CACNA1D: variants seen among roughly 807,000 people sequenced by gnomAD.
The protein encoded by CACNA1D is voltage-dependent L-type calcium channel subunit alpha-1D.
Under a neutral mutation model 257.1 loss-of-function variants are expected in CACNA1D, and 55 were observed. The observed-to-expected ratio is 0.21, with a 90% confidence interval of 0.17 to 0.27. CACNA1D has a LOEUF of 0.27. Ranked by LOEUF, CACNA1D falls within the 10% of genes least tolerant of loss-of-function variation. The probability of loss-of-function intolerance (pLI) is 1.00; values close to 1 mark genes in which losing one functional copy is unlikely to be tolerated. For synonymous variants in CACNA1D, 980 were observed against 1,014.9 expected (o/e 0.97, Z 0.65); for missense variants, 1,876 against 2,784.0 (o/e 0.67, Z 7.34).
chr3:53,681,014 G>A (rs945078883), intron 8 of CACNA1D, among the ~76,000 whole-genome samples: 17 of 152,138 alleles, frequency 1.1e-4, no homozygotes, highest in African/African-American at 4.1e-4. Flanking sequence ...ATGCACCCAA[G>A]CCCTAGCCCT....
At chr3:53,790,788 T>C (rs2106637573) in intron 40 of CACNA1D, among the ~76,000 whole-genome samples, 1 of 152,360 alleles carries the variant, frequency 6.6e-6, no homozygotes, top group Non-Finnish European at 1.5e-5. Flanking sequence ...AGATTTAATC[T>C]GTAGAAGATC....
intron 3 of CACNA1D, among the ~76,000 whole-genome samples, chr3:53,505,678 C>T (rs562954925): frequency 7.2e-5 from 11 of 152,224 alleles, no homozygotes; most frequent in African/African-American, 1.9e-4. Flanking sequence ...GGAAGGTGTA[C>T]GTGTTATTCC....
Position 53,758,968 on chromosome 3 carries a change from C to T in CACNA1D, c.3787-3030C>T, listed in dbSNP as rs549506127. ...GGTGATTTTATTAAACAAGAGGCTA[C>T]TAAATAGGGAAACAGTATGTGGGAA... On this transcript the variant is annotated intron_variant, in intron 29 of 47. Coordinates refer to ENST00000350061, the MANE Select transcript of CACNA1D (RefSeq NM_001128840.3). 3.2e-3 allele frequency among the ~76,000 whole-genome samples: 489 copies of T among 152,238 alleles called. 3 individuals carry two copies. Among genetic ancestry groups the T allele is most frequent in the African/African-American group, 0.011 (470 of 41,522 alleles).
chr3:53,530,986 T>C (rs1367723633), intron 3 of CACNA1D, among the ~76,000 whole-genome samples: 1 of 151,546 alleles, frequency 6.6e-6, no homozygotes, highest in Non-Finnish European at 1.5e-5. Context: ...TAGCTGGGAC[T>C]ATAAGAGTCC....
At chr3:53,515,510 G>A (rs940297808) in intron 3 of CACNA1D, among the ~76,000 whole-genome samples, 1 of 152,314 alleles carries the variant, frequency 6.6e-6, no homozygotes, top group South Asian at 2.1e-4. Flanking sequence ...ACACCAGGCA[G>A]CCAAGGTGTG....
intron 8 of CACNA1D, chr3:53,679,254 G>A (rs1485477127): frequency 2.8e-5 from 1 of 36,248 alleles, no homozygotes; most frequent in Non-Finnish European, 6.1e-5. Context: ...TGGGTGACAA[G>A]AGCAAAACTC....
At chr3:53,530,605 G>A (rs2091914961) in intron 3 of CACNA1D, among the ~76,000 whole-genome samples, 2 of 152,190 alleles carry the variant, frequency 1.3e-5, no homozygotes, top group Non-Finnish European at 2.9e-5. Context: ...ACATCTGCTT[G>A]ACAGGCTTCC....
chr3:53,543,633 A>G (rs1175636736), intron 3 of CACNA1D, among the ~76,000 whole-genome samples: 1 of 152,218 alleles, frequency 6.6e-6, no homozygotes. Flanking sequence ...TCTAAATTTT[A>G]AAGTTGTTGT....
intron 5 of CACNA1D, among the ~76,000 whole-genome samples, chr3:53,663,281 C>T (rs2094223614): frequency 1.3e-5 from 2 of 152,172 alleles, no homozygotes; most frequent in Non-Finnish European, 2.9e-5. Context: ...TGCATTCTTT[C>T]TTTCCTGACT....
chr3:53,616,746 G>A (rs2093641518), intron 3 of CACNA1D, among the ~76,000 whole-genome samples: 1 of 152,136 alleles, frequency 6.6e-6, no homozygotes, highest in African/African-American at 2.4e-5. Flanking sequence ...AGGAAATGAG[G>A]CAGGAGCCTG....
chr3:53,666,376 C>T lies in CACNA1D; in HGVS notation c.957C>T (p.Phe319=), dbSNP rs1203870844. The T allele has an allele frequency of 6.2e-7, 1 of 1,614,176 alleles. No individual in the cohort carries two copies. Among genetic ancestry groups the T allele is most frequent in the Non-Finnish European group, 8.5e-7 (1 of 1,180,026 alleles). ...VAEEDPAPCA[F]SGNGRQCTAN... is the part of the protein sequence containing the mutation. ...AAGAGGACCCAGCTCCATGTGCGTT[C>T]TCAGGGAATGGACGCCAGTGTACTG... is the stretch of plus-strand genomic sequence containing the variant. The change falls in exon 7 of 48, where the codon TTC becomes TTT. Residue 319 remains phenylalanine (F), a synonymous_variant. Coordinates refer to ENST00000350061, the MANE Select transcript of CACNA1D (RefSeq NM_001128840.3).
At position 53,500,738 on chromosome 3, in the gene CACNA1D, T is replaced by C. The variant is rs1162963986; in HGVS notation, c.378-877T>C. On this transcript the variant is annotated intron_variant, in intron 2 of 47. Coordinates refer to ENST00000350061, the MANE Select transcript of CACNA1D (RefSeq NM_001128840.3). ...ACAATCATTTTGGCAGATGTCAAAT[T>C]TTGTGTTGCCAGTTTTGACAATGTC... Among the ~76,000 whole-genome samples, 3 of 152,194 alleles carry C rather than the reference T, an allele frequency of 2.0e-5. No homozygotes were observed. In the South Asian group the frequency reaches 6.2e-4, roughly 32 times the overall value.
intron 3 of CACNA1D, among the ~76,000 whole-genome samples, chr3:53,607,663 T>G (rs1004999748): frequency 1.3e-5 from 2 of 152,272 alleles, no homozygotes; most frequent in African/African-American, 2.4e-5. Context: ...TCCAGACTTA[T>G]AGTTTTAGCT....
chr3:53,574,699 T>C (rs1176788481), intron 3 of CACNA1D, among the ~76,000 whole-genome samples: 1 of 148,892 alleles, frequency 6.7e-6, no homozygotes, highest in African/African-American at 2.5e-5. Flanking sequence ...GGGAACATTC[T>C]CATGCTCACT....
rs896544350 is a variant in CACNA1D, at chr3:53,789,626, C to T, written c.4923+2674C>T. ...TGTTGAGATGGAGGATGGCTTGCCT[C>T]CTCCCACAGCAGGGTGCCCCATGGC... On this transcript the variant is annotated intron_variant, in intron 40 of 47. Transcript: ENST00000350061. The surrounding 1 kb of genome is among the most constrained non-coding windows in gnomAD (Gnocchi z 4.2). 6.6e-6 allele frequency among the ~76,000 whole-genome samples: 1 copy of T among 152,228 alleles called. No homozygotes were observed. The highest frequency in any genetic ancestry group is 1.5e-5 in the Non-Finnish European group (1 of 68,048).
chr3:53,732,230 T>A (rs2095001237), intron 18 of CACNA1D, 148 bp downstream of exon 18: 5 of 703,282 alleles, frequency 7.1e-6, no homozygotes, highest in Non-Finnish European at 1.3e-5. Flanking sequence ...TTAGCTCGCC[T>A]TTTTCCCATG....
At chr3:53,763,022 G>C (rs940201949) in intron 30 of CACNA1D, among the ~76,000 whole-genome samples, 1 of 152,140 alleles carries the variant, frequency 6.6e-6, no homozygotes, top group Non-Finnish European at 1.5e-5. Context: ...GTGCACCCTC[G>C]TCCCCGCAAT....
chr3:53,595,590 G>A (rs186024689), intron 3 of CACNA1D, among the ~76,000 whole-genome samples: 17 of 152,240 alleles, frequency 1.1e-4, no homozygotes, highest in African/African-American at 3.1e-4. Context: ...CAACTCACCA[G>A]AGTCTACCGA....
At chr3:53,563,391 G>A (rs573661495) in intron 3 of CACNA1D, among the ~76,000 whole-genome samples, 45 of 152,062 alleles carry the variant, frequency 3.0e-4, no homozygotes, top group Non-Finnish European at 5.9e-4. Flanking sequence ...AGGCGTGGTC[G>A]TGGGCGCCTG....
Sources: gnomAD v4.1 joint callset for allele counts (sites outside exome capture counted in the v4.1 genomes callset) on GRCh38, gnomAD v4.1.1 for gene constraint, Gnocchi (gnomAD v3.1) non-coding constraint, MANE v1.5 for transcripts, NCBI Gene and HGNC (gene_info 2026-07-23, HGNC 2026-07-21) for gene names.